Variants in SLC7A2 observed in about 807,000 individuals in gnomAD.
The protein encoded by SLC7A2 is cationic amino acid transporter 2.
Under a neutral mutation model 58.9 loss-of-function variants are expected in SLC7A2, and 48 were observed. The ratio of observed to expected loss-of-function variants is 0.82; its 90% CI spans 0.65 to 1.04. The LOEUF (loss-of-function observed/expected upper bound fraction) is 1.04. Among genes scored for constraint, SLC7A2 ranks in the 50% least tolerant of loss-of-function variants. SLC7A2 has a pLI of 0.00. For missense variants in SLC7A2, 1,029 were observed against 818.8 expected, an observed-to-expected ratio of 1.26 and a Z score of -3.13; for synonymous variants, 363 against 314.5, an observed-to-expected ratio of 1.15 and a Z score of -1.63.
chr8:17,507,176 A>G (rs537416203), intron 2 of SLC7A2, among the ~76,000 whole-genome samples: 7 of 152,062 alleles, frequency 4.6e-5, no homozygotes, highest in Admixed American at 3.3e-4. Context: ...TGATCTGCTG[A>G]CCTTGTGATC....
chr8:17,553,844 A>G (rs1802564271), intron 7 of SLC7A2, among the ~76,000 whole-genome samples: 2 of 152,200 alleles, frequency 1.3e-5, no homozygotes, highest in South Asian at 4.1e-4. Context: ...TTACATGGTT[A>G]TTTTTCACAA....
intron 8 of SLC7A2, among the ~76,000 whole-genome samples, chr8:17,555,644 G>A (rs550103327): frequency 1.4e-4 from 21 of 152,190 alleles, no homozygotes; most frequent in South Asian, 2.1e-4. Context: ...CAGGGCCATC[G>A]CAGCCATCTA....
chr8:17,556,239 T>C (rs543470641), intron 8 of SLC7A2, among the ~76,000 whole-genome samples: 40 of 152,246 alleles, frequency 2.6e-4, no homozygotes, highest in Middle Eastern at 6.8e-3. Context: ...TTTATAAATA[T>C]TTTTTGACAA....
chr8:17,551,951 C>T lies in SLC7A2; in HGVS notation c.1020C>T (p.Val340=), dbSNP rs770199056. ...EYVGWGPAKY[V]VAAGSLCALS... is the part of the protein sequence containing the mutation. ...TGGGATGGGGTCCTGCCAAATATGT[C>T]GTCGCAGCTGGTTCTCTCTGCGCCT... Residue 340 remains valine (V), a synonymous_variant, in exon 7 of 13, where the codon GTC becomes GTT. Coordinates refer to ENST00000494857, the MANE Select transcript of SLC7A2 (RefSeq NM_001370338.1). The T allele has an allele frequency of 5.6e-6, 9 of 1,613,926 alleles. No individual in the cohort carries two copies. The highest frequency in any genetic ancestry group is 2.5e-6 in the Non-Finnish European group (3 of 1,180,030).
intron 2 of SLC7A2, among the ~76,000 whole-genome samples, chr8:17,530,375 C>A (rs80154032): frequency 3.3e-5 from 5 of 152,026 alleles, no homozygotes. Context: ...AACCTTTTCA[C>A]CTTTATGTGA....
At chr8:17,528,657 G>C (rs762646076) in intron 2 of SLC7A2, among the ~76,000 whole-genome samples, 1 of 152,124 alleles carries the variant, frequency 6.6e-6, no homozygotes, top group African/African-American at 2.4e-5. Context: ...GCCTGCCTCC[G>C]CCTCCCAAAG....
chr8:17,543,397 G>A lies in SLC7A2; in HGVS notation c.58G>A (p.Val20Met), dbSNP rs12680645. Reference sequence around the variant, plus strand: ...CCGATGTCTGATCCGGAGAAAAATCGTGACCCTGGACAGTCTAGAAGACAC... The same window carrying A: ...CCGATGTCTGATCCGGAGAAAAATCATGACCCTGGACAGTCTAGAAGACAC... ...FARCLIRRKI[V>M]TLDSLEDTKL... The change falls in exon 3 of 13, where the codon GTG becomes ATG. Residue 20 changes from valine to methionine, a missense_variant. By Grantham distance (21) the Val-to-Met change is conservative. Transcript: ENST00000494857. 769 of 1,614,100 alleles carry A rather than the reference G, an allele frequency of 4.8e-4. 2 individuals are homozygous for A. In the East Asian group the frequency reaches 7.5e-3, roughly 16 times the overall value.
chr8:17,497,001 G>C (rs1360875727), upstream of SLC7A2: 1 of 142,786 alleles, frequency 7.0e-6, no homozygotes, highest in South Asian at 2.2e-4. Flanking sequence ...GTCGCGTTCC[G>C]GGAGCGCGGA....
At chr8:17,554,880 G>A in intron 8 of SLC7A2, 181 bp downstream of exon 8, 1 of 1,574,482 alleles carries the variant, frequency 6.4e-7, no homozygotes. Context: ...GTCTTTACCT[G>A]TCTATACCTG....
chr8:17,507,164 C>T (rs568821944), intron 2 of SLC7A2, among the ~76,000 whole-genome samples: 2 of 152,132 alleles, frequency 1.3e-5, no homozygotes, highest in African/African-American at 2.4e-5. Flanking sequence ...CCAGGATGGT[C>T]TTGATCTGCT....
rs1801798196 is a variant in SLC7A2, at chr8:17,539,062, C to A, written c.-22-4256C>A. The stretch of plus-strand genomic sequence containing the variant: ...CAAACTTTTGAACTAAAGTGAAAAT[C>A]CAGGATCAACTTGTGACTATGATTA... On this transcript the variant is annotated intron_variant, in intron 2 of 12. Coordinates refer to ENST00000494857, the MANE Select transcript of SLC7A2 (RefSeq NM_001370338.1). 4 of 715,282 alleles carry A rather than the reference C, an allele frequency of 5.6e-6. No homozygotes were observed. In the East Asian group the frequency reaches 1.1e-4, roughly 19 times the overall value. 44.3% of individuals were successfully genotyped at this position (715,282 alleles called of 1,614,324 possible).
intron 2 of SLC7A2, among the ~76,000 whole-genome samples, chr8:17,502,530 T>A (rs1701203458): frequency 6.6e-6 from 1 of 152,184 alleles, no homozygotes; most frequent in South Asian, 2.1e-4. Flanking sequence ...ATATTGCTCT[T>A]CCATTGCACA....
intron 7 of SLC7A2, 79 bp from the exon 8 acceptor site, chr8:17,554,481 T>A: frequency 8.6e-7 from 1 of 1,165,826 alleles, no homozygotes; most frequent in Non-Finnish European, 1.2e-6. Context: ...CTGAATATTA[T>A]ACAATTATTT....
At chr8:17,563,760 G>C (rs1450250617) in intron 12 of SLC7A2, 49 bp downstream of exon 12, 1 of 1,118,492 alleles carries the variant, frequency 8.9e-7, no homozygotes, top group Non-Finnish European at 1.4e-6. Flanking sequence ...GTGCTGTGAT[G>C]AGAGAAACAT....
intron 12 of SLC7A2, among the ~76,000 whole-genome samples, chr8:17,564,734 C>T (rs1489486094): frequency 6.6e-6 from 1 of 152,146 alleles, no homozygotes; most frequent in Admixed American, 6.5e-5. Context: ...TGTAAATACA[C>T]TGTAAATACT....
At chr8:17,509,602 A>C (rs1800518520) in intron 2 of SLC7A2, among the ~76,000 whole-genome samples, 2 of 152,068 alleles carry the variant, frequency 1.3e-5, no homozygotes, top group Admixed American at 6.5e-5. Flanking sequence ...CACCACGCCC[A>C]ACAATTTCTT....
At chr8:17,528,920 C>A (rs192443900) in intron 2 of SLC7A2, among the ~76,000 whole-genome samples, 9 of 152,028 alleles carry the variant, frequency 5.9e-5, no homozygotes, top group African/African-American at 2.2e-4. Context: ...TCGGGGCTCT[C>A]GGGGCCCATA....
In SLC7A2 at chr8:17,552,863, C is replaced by CT. The variant is rs1802516687; in HGVS notation, c.1055+882dup. Among the ~76,000 whole-genome samples, 6 of 152,258 alleles carry CT rather than the reference C, an allele frequency of 3.9e-5. No individual in the cohort carries two copies. In the South Asian group the frequency reaches 1.2e-3, roughly 32 times the overall value. On this transcript the variant is annotated intron_variant, in intron 7 of 12. Transcript: ENST00000494857. ...AGAGTCTTGCAAAGAGAAAATTAAT[C>CT]TTTTTGGCAGATTAGTAATTTTTTA... is the stretch of plus-strand genomic sequence containing the variant.
rs1206972168 is a variant in SLC7A2, at chr8:17,567,441, A to G, written c.*2295A>G. 1.3e-5 allele frequency: 2 copies of G among 152,656 alleles called. No individual in the cohort carries two copies. The highest frequency in any genetic ancestry group is 1.5e-5 in the Non-Finnish European group (1 of 68,042). 9.5% of individuals were successfully genotyped at this position (152,656 alleles called of 1,614,324 possible). A position where few individuals can be genotyped will look rare whatever the true frequency, so the allele number is the denominator to read the frequency against. The stretch of plus-strand genomic sequence containing the variant: ...AAAAATTATTTTTCCACATTGAAAC[A>G]CTTTGCAGACACAAATATCTATGAA... On this transcript the variant is annotated 3_prime_UTR_variant, in exon 13 of 13. Coordinates refer to ENST00000494857, the MANE Select transcript of SLC7A2 (RefSeq NM_001370338.1).
Sources: gnomAD v4.1 joint callset for allele counts (sites outside exome capture counted in the v4.1 genomes callset) on GRCh38, gnomAD v4.1.1 for gene constraint, MANE v1.5 for transcripts, NCBI Gene and HGNC (gene_info 2026-07-23, HGNC 2026-07-21) for gene names.